The following NEDD4 variants were observed in gnomAD, a reference collection of about 807,000 sequenced individuals.
NEDD4 encodes E3 ubiquitin-protein ligase NEDD4.
Under a neutral mutation model 144.9 loss-of-function variants are expected in NEDD4, and 99 were observed. That is an observed-to-expected ratio of 0.68 (90% CI 0.58 to 0.81). The LOEUF (loss-of-function observed/expected upper bound fraction) is 0.81, where lower values mean the gene tolerates loss of function less well. Among genes scored for constraint, NEDD4 ranks in the 30% least tolerant of loss-of-function variants. The pLI is 0.00. For synonymous variants in NEDD4, 318 were observed against 350.6 expected (o/e 0.91, Z 1.04); for missense variants, 985 against 1,065.9 (o/e 0.92, Z 1.06).
At chr15:55,947,850 G>A (rs1257957619) in intron 4 of NEDD4, among the ~76,000 whole-genome samples, 1 of 152,140 alleles carries the variant, frequency 6.6e-6, no homozygotes, top group African/African-American at 2.4e-5. Context: ...ATATCATACT[G>A]AATGGGCAAA....
chr15:55,946,007 C>T (rs1304359447), intron 4 of NEDD4, among the ~76,000 whole-genome samples: 1 of 152,126 alleles, frequency 6.6e-6, no homozygotes, highest in African/African-American at 2.4e-5. Flanking sequence ...GAAGGAAGCA[C>T]TAAACATGGA....
In NEDD4 at chr15:55,974,956, G is replaced by C. The variant is rs1270822893; in HGVS notation, c.46-8410C>G. Among the ~76,000 whole-genome samples the C allele has an allele frequency of 1.8e-4, 24 of 136,490 alleles. No individual in the cohort carries two copies. The Admixed American group carries it at 1.9e-3, about 11-fold the overall frequency. 89.5% of individuals were successfully genotyped at this position (136,490 alleles called of 152,430 possible). A position where few individuals can be genotyped will look rare whatever the true frequency, so the allele number is the denominator to read the frequency against. On this transcript the variant is annotated intron_variant, in intron 1 of 28. Transcript: ENST00000435532. ...CACCCAGGCTGGAGTGCAGTGGCAC[G>C]ATCTCAGCTCACTGCAACCTCTGCC...
intron 5 of NEDD4, among the ~76,000 whole-genome samples, chr15:55,922,761 G>A (rs1251397169): frequency 6.6e-6 from 1 of 152,134 alleles, no homozygotes; most frequent in African/African-American, 2.4e-5. Flanking sequence ...TAGTACTTGT[G>A]GAGGAAGAAA....
chr15:55,909,254 G>A (rs1358872878), intron 5 of NEDD4, among the ~76,000 whole-genome samples: 6 of 152,162 alleles, frequency 3.9e-5, no homozygotes, highest in African/African-American at 9.7e-5. Context: ...CTGGTTGCTC[G>A]TCTAAGCCCT....
intron 4 of NEDD4, among the ~76,000 whole-genome samples, chr15:55,935,684 A>G (rs1440655264): frequency 6.6e-6 from 1 of 151,864 alleles, no homozygotes; most frequent in Non-Finnish European, 1.5e-5. Context: ...TGTCTCTACT[A>G]AAACTACAAA....
intron 1 of NEDD4, among the ~76,000 whole-genome samples, chr15:55,980,173 C>T (rs1348564911): frequency 2.0e-5 from 3 of 152,128 alleles, no homozygotes; most frequent in African/African-American, 7.2e-5. Context: ...CTCAGGTGAT[C>T]TGCCTGCCTT....
rs1383809436 is a variant in NEDD4 at position 55,963,141 on chromosome 15, T to TA, written c.119+3331_119+3332insT. The stretch of plus-strand genomic sequence containing the variant: ...TTTTCTGGCACTCTTTTTTATTTTT[T>TA]TTTTTTTTGAGACAGGGTCTCACTC... On this transcript the variant is annotated intron_variant, in intron 2 of 28. Transcript: ENST00000435532. Among the ~76,000 whole-genome samples the TA allele has an allele frequency of 6.1e-4, 85 of 139,528 alleles. 1 individual carries two copies. The highest frequency in any genetic ancestry group is 2.0e-3 in the African/African-American group (75 of 38,056). 91.5% of individuals were successfully genotyped at this position (139,528 alleles called of 152,430 possible).
At chr15:55,965,537 GCT>G (rs1181135199) in intron 2 of NEDD4, among the ~76,000 whole-genome samples, 5 of 152,136 alleles carry the variant, frequency 3.3e-5, no homozygotes, top group African/African-American at 1.2e-4. Context: ...GAGCTCTTCA[GCT>G]CTCTCTCTTC....
chr15:55,981,366 CCTT>C (rs1300790085), intron 1 of NEDD4, among the ~76,000 whole-genome samples: 1 of 134,062 alleles, frequency 7.5e-6, no homozygotes. Flanking sequence ...CGCCCGGCCT[CCTT>C]TTTTTTTCTT....
At chr15:55,902,140 G>C (rs2035932490) in intron 5 of NEDD4, among the ~76,000 whole-genome samples, 2 of 152,092 alleles carry the variant, frequency 1.3e-5, no homozygotes, top group Admixed American at 1.3e-4. Context: ...GGTTCCAAAG[G>C]AAGGCCTCAA....
At chr15:55,957,350 C>G (rs2037354551) in intron 2 of NEDD4, among the ~76,000 whole-genome samples, 1 of 152,160 alleles carries the variant, frequency 6.6e-6, no homozygotes, top group East Asian at 1.9e-4. Flanking sequence ...TGAAAGCAGA[C>G]AACTTTGCCT....
chr15:55,911,512 T>G (rs1182240899), intron 5 of NEDD4, among the ~76,000 whole-genome samples: 1 of 151,920 alleles, frequency 6.6e-6, no homozygotes, highest in Non-Finnish European at 1.5e-5. Flanking sequence ...ATTTAGCACA[T>G]CACATATTAG....
intron 1 of NEDD4, among the ~76,000 whole-genome samples, chr15:55,967,713 A>AC (rs139911224): frequency 0.15 from 22,664 of 152,102 alleles, 1,833 homozygotes; most frequent in East Asian, 0.32. Flanking sequence ...ATATAAAAAA[A>AC]CTTCATAGAT....
chr15:55,883,281 C>G (rs112100247), intron 5 of NEDD4, among the ~76,000 whole-genome samples: 4,860 of 152,174 alleles, frequency 0.032, 82 homozygotes, highest in Admixed American at 0.037. Context: ...GCAGGAGTGG[C>G]CACGGAGAGA....
intron 1 of NEDD4, among the ~76,000 whole-genome samples, chr15:55,992,215 T>G (rs557709249): frequency 1.9e-4 from 29 of 152,318 alleles, no homozygotes; most frequent in African/African-American, 6.7e-4. Flanking sequence ...CTGTAACACA[T>G]TGACTATTGT....
intron 5 of NEDD4, chr15:55,917,108 C>A: frequency 8.5e-7 from 1 of 1,173,856 alleles, no homozygotes; most frequent in Non-Finnish European, 1.1e-6. Flanking sequence ...TTCCAGCGAC[C>A]TTTAAGCTGA....
At position 55,951,295 on chromosome 15, in the gene NEDD4, T is replaced by TA. The variant is rs1414269645; in HGVS notation, c.237+80dup. 8.8e-5 allele frequency: 56 copies of TA among 634,964 alleles called. 1 individual carries two copies. The Middle Eastern group carries it at 1.8e-3, about 20-fold the overall frequency. 39.3% of individuals were successfully genotyped at this position (634,964 alleles called of 1,614,324 possible). A position where few individuals can be genotyped will look rare whatever the true frequency, so the allele number is the denominator to read the frequency against. On this transcript the variant is annotated intron_variant, in intron 4 of 28. Coordinates refer to ENST00000435532, the MANE Select transcript of NEDD4 (RefSeq NM_006154.4). ...AATTCTGAGATACATCTTCAAATATTAAAAATGAGAATTTATCATTCTAAC... is the reference window on the plus strand; with the variant it reads ...AATTCTGAGATACATCTTCAAATATTAAAAAATGAGAATTTATCATTCTAAC...
intron 4 of NEDD4, among the ~76,000 whole-genome samples, chr15:55,931,042 G>A (rs191043933): frequency 8.5e-5 from 13 of 152,244 alleles, no homozygotes; most frequent in Admixed American, 7.2e-4. Flanking sequence ...AAACACGGGC[G>A]TAAAGATAAT....
chr15:55,949,160 CA>C (rs1220836025), intron 4 of NEDD4, among the ~76,000 whole-genome samples: 3 of 152,174 alleles, frequency 2.0e-5, no homozygotes, highest in African/African-American at 7.2e-5. Context: ...AGACACTTCT[CA>C]AAAGAAGCCA....
Sources: gnomAD v4.1 joint callset for allele counts (sites outside exome capture counted in the v4.1 genomes callset) on GRCh38, gnomAD v4.1.1 for gene constraint, MANE v1.5 for transcripts, NCBI Gene and HGNC (gene_info 2026-07-23, HGNC 2026-07-21) for gene names.